Variants in HPSE2 observed in about 807,000 individuals in gnomAD.
HPSE2 encodes inactive heparanase-2.
In HPSE2, 38 loss-of-function variants were observed where a neutral mutation model predicts 60.5. The ratio of observed to expected loss-of-function variants is 0.63; its 90% confidence interval spans 0.48 to 0.82. The LOEUF is 0.82. HPSE2 is among the 40% of genes least tolerant of loss of function. HPSE2 has a pLI of 0.00. For synonymous variants in HPSE2, 295 were observed against 293.2 expected, an observed-to-expected ratio of 1.01 and a Z score of -0.06; for missense variants, 713 against 740.4, an observed-to-expected ratio of 0.96 and a Z score of 0.43.
intron 3 of HPSE2, among the ~76,000 whole-genome samples, chr10:98,942,690 G>A (rs537885159): frequency 2.0e-4 from 30 of 152,140 alleles, no homozygotes; most frequent in African/African-American, 2.9e-4. Flanking sequence ...TCAGGGATCT[G>A]GAACTAGAAA....
chr10:99,139,050 T>C (rs1012539083), intron 3 of HPSE2, among the ~76,000 whole-genome samples: 6 of 152,086 alleles, frequency 3.9e-5, no homozygotes, highest in Non-Finnish European at 7.4e-5. Context: ...GGCCCATCAA[T>C]CAATAAGTGG....
chr10:98,602,283 T>C (rs1475440100), intron 9 of HPSE2, among the ~76,000 whole-genome samples: 1 of 152,162 alleles, frequency 6.6e-6, no homozygotes, highest in Non-Finnish European at 1.5e-5. Context: ...TAGCAAGCCC[T>C]GTGATCCTAA....
At chr10:99,221,588 C>T (rs1415344269) in intron 2 of HPSE2, among the ~76,000 whole-genome samples, 1 of 152,040 alleles carries the variant, frequency 6.6e-6, no homozygotes. Flanking sequence ...ACACTTTGAG[C>T]TAAGATAGCA....
At chr10:98,923,928 G>A (rs574449196) in intron 3 of HPSE2, among the ~76,000 whole-genome samples, 1 of 152,110 alleles carries the variant, frequency 6.6e-6, no homozygotes, top group Non-Finnish European at 1.5e-5. Context: ...TTCATTTGGT[G>A]AAGTAATGTT....
intron 7 of HPSE2, among the ~76,000 whole-genome samples, chr10:98,636,440 A>G (rs930594140): frequency 2.0e-5 from 3 of 152,028 alleles, no homozygotes; most frequent in African/African-American, 7.2e-5. Context: ...GGGTTTCACC[A>G]TGTTGGCCAG....
chr10:98,559,314 C>T (rs1020803187), intron 9 of HPSE2, among the ~76,000 whole-genome samples: 8 of 152,164 alleles, frequency 5.3e-5, no homozygotes, highest in Non-Finnish European at 8.8e-5. Context: ...AAGCATGAGC[C>T]GCTGCACCCG....
intron 3 of HPSE2, among the ~76,000 whole-genome samples, chr10:98,908,824 T>C (rs1246533654): frequency 6.6e-6 from 1 of 151,990 alleles, no homozygotes; most frequent in Non-Finnish European, 1.5e-5. Context: ...GACAGAATTG[T>C]GGGTAATATG....
intron 4 of HPSE2, among the ~76,000 whole-genome samples, chr10:98,743,155 T>C (rs1949543907): frequency 6.6e-6 from 1 of 151,820 alleles, no homozygotes; most frequent in Non-Finnish European, 1.5e-5. Flanking sequence ...GTATTTTTAA[T>C]AGAGTCGGGG....
intron 3 of HPSE2, among the ~76,000 whole-genome samples, chr10:99,104,131 A>C (rs545352791): frequency 2.6e-5 from 4 of 152,234 alleles, no homozygotes; most frequent in Non-Finnish European, 5.9e-5. Flanking sequence ...AAAATTGACA[A>C]ATGGGATCTA....
At chr10:98,876,445 A>T (rs1382643747) in intron 3 of HPSE2, among the ~76,000 whole-genome samples, 1 of 151,886 alleles carries the variant, frequency 6.6e-6, no homozygotes, top group East Asian at 1.9e-4. Flanking sequence ...TGACCAGTGA[A>T]CTTAGCACAT....
At chr10:99,022,597 C>A (rs1194962290) in intron 3 of HPSE2, among the ~76,000 whole-genome samples, 2 of 152,116 alleles carry the variant, frequency 1.3e-5, no homozygotes, top group Non-Finnish European at 2.9e-5. Context: ...TCCCTTCCTT[C>A]CACTTGAGGA....
At chr10:99,154,867 G>A (rs1846464868) in intron 2 of HPSE2, among the ~76,000 whole-genome samples, 1 of 152,098 alleles carries the variant, frequency 6.6e-6, no homozygotes, top group Non-Finnish European at 1.5e-5. Context: ...CAACTCACGT[G>A]CAGAGACACA....
chr10:98,982,017 C>T (rs1269301643), intron 3 of HPSE2, among the ~76,000 whole-genome samples: 1 of 151,888 alleles, frequency 6.6e-6, no homozygotes, highest in African/African-American at 2.4e-5. Context: ...CAAATTATTA[C>T]TATGAGAAAA....
intron 3 of HPSE2, among the ~76,000 whole-genome samples, chr10:98,991,307 A>G (rs1956518234): frequency 6.6e-6 from 1 of 152,168 alleles, no homozygotes; most frequent in East Asian, 1.9e-4. Context: ...GCCAGGAAAA[A>G]GCCTCTCTGA....
At chr10:98,614,883 G>T in intron 9 of HPSE2, 21 bp downstream of exon 9, 1 of 1,462,242 alleles carries the variant, frequency 6.8e-7, no homozygotes, top group Non-Finnish European at 9.6e-7. Flanking sequence ...AAGGGATTGG[G>T]AATCTTTATC....
rs117733677 is a variant in HPSE2 at position 99,068,003 on chromosome 10, G to A, written c.610+76235C>T. 8.4e-3 allele frequency among the ~76,000 whole-genome samples: 1,272 copies of A among 152,236 alleles called. 8 individuals carry two copies. Among genetic ancestry groups the A allele is most frequent in the Non-Finnish European group, 0.014 (922 of 68,014 alleles). ...GTTCCACAGATCTCTAAGGCAGGGG[G>A]AAAATGCCACCAGTCTCTTTGCATA... On this transcript the variant is annotated intron_variant, in intron 3 of 11. Transcript: ENST00000370552.
intron 2 of HPSE2, among the ~76,000 whole-genome samples, chr10:99,229,648 C>T (rs1271209953): frequency 6.6e-6 from 1 of 152,322 alleles, no homozygotes; most frequent in Non-Finnish European, 1.5e-5. Flanking sequence ...TAGGGCCAGG[C>T]ATGCAGTGCA....
intron 3 of HPSE2, among the ~76,000 whole-genome samples, chr10:99,033,541 G>A (rs1159169855): frequency 6.6e-6 from 1 of 152,142 alleles, no homozygotes; most frequent in East Asian, 1.9e-4. Context: ...CCAGCACTTT[G>A]GGAGGCTGAG....
At chr10:99,295,928 G>A in the HPSE2 span, among the ~76,000 whole-genome samples, 1 of 152,126 alleles carries the variant, frequency 6.6e-6, no homozygotes, top group Admixed American at 6.5e-5. Flanking sequence ...TAACCTTTAG[G>A]TTATCATCTT....
Sources: allele counts gnomAD v4.1 joint callset (sites outside exome capture counted in the v4.1 genomes callset), GRCh38; gene constraint gnomAD v4.1.1; transcripts MANE v1.5; gene names NCBI Gene and HGNC (gene_info 2026-07-23, HGNC 2026-07-21).